Variants in DPYD observed in about 807,000 individuals in gnomAD.
DPYD encodes dihydropyrimidine dehydrogenase.
In DPYD, 109 loss-of-function variants were observed where a neutral mutation model predicts 116.2. The observed-to-expected ratio is 0.94, with a 90% CI of 0.80 to 1.10. DPYD has a LOEUF of 1.10. DPYD is among the 50% of genes least tolerant of loss of function. The probability of loss-of-function intolerance (pLI) is 0.00; values close to 1 mark genes in which losing one functional copy is unlikely to be tolerated. For missense variants in DPYD, 1,302 were observed against 1,254.5 expected, an observed-to-expected ratio of 1.04 and a Z score of -0.57; for synonymous variants, 440 against 432.0, an observed-to-expected ratio of 1.02 and a Z score of -0.23.
intron 1 of DPYD, among the ~76,000 whole-genome samples, chr1:97,903,384 T>C (rs989791727): frequency 4.6e-5 from 7 of 151,902 alleles, no homozygotes; most frequent in Non-Finnish European, 1.0e-4. Context: ...GGATGAAGCA[T>C]GTGAAAATTT....
intron 10 of DPYD, among the ~76,000 whole-genome samples, chr1:97,582,348 A>G (rs552741769): frequency 1.3e-5 from 2 of 152,198 alleles, no homozygotes; most frequent in East Asian, 3.8e-4. Context: ...CTTGAAGTTA[A>G]TAATAAAGTT....
At chr1:97,232,586 TCA>T (rs1392269037) in intron 19 of DPYD, among the ~76,000 whole-genome samples, 1 of 152,068 alleles carries the variant, frequency 6.6e-6, no homozygotes, top group African/African-American at 2.4e-5. Context: ...ATTCTTTTCT[TCA>T]GTCTTTTTTT....
At chr1:97,538,536 T>C (rs757487510) in intron 12 of DPYD, among the ~76,000 whole-genome samples, 2 of 152,060 alleles carry the variant, frequency 1.3e-5, no homozygotes, top group Non-Finnish European at 2.9e-5. Context: ...CAGAAGAAAA[T>C]ACACACAGAA....
At chr1:97,553,568 T>C (rs1233536677) in intron 11 of DPYD, among the ~76,000 whole-genome samples, 1 of 152,046 alleles carries the variant, frequency 6.6e-6, no homozygotes, top group Non-Finnish European at 1.5e-5. Context: ...AAAGCATAAG[T>C]GAATGAAAAA....
chr1:97,626,035 G>T (rs1317454222), intron 8 of DPYD, among the ~76,000 whole-genome samples: 1 of 152,016 alleles, frequency 6.6e-6, no homozygotes, highest in Non-Finnish European at 1.5e-5. Flanking sequence ...AGGAAAGCTT[G>T]TCCTCTTGGA....
intron 8 of DPYD, 73 bp from the exon 9 acceptor site, chr1:97,595,239 G>T: frequency 8.3e-7 from 1 of 1,205,014 alleles, no homozygotes; most frequent in South Asian, 1.3e-5. Flanking sequence ...AAACAAAAAA[G>T]AAAACTTTAA....
chr1:97,399,463 GTTT>G (rs1158459392), intron 14 of DPYD, among the ~76,000 whole-genome samples: 1 of 152,012 alleles, frequency 6.6e-6, no homozygotes, highest in African/African-American at 2.4e-5. Flanking sequence ...CTTTAAAGTA[GTTT>G]TTTTCCAATT....
intron 8 of DPYD, among the ~76,000 whole-genome samples, chr1:97,626,482 A>G (rs1480846954): frequency 3.9e-5 from 6 of 152,032 alleles, no homozygotes; most frequent in African/African-American, 1.2e-4. Flanking sequence ...AAAACATACA[A>G]TGACTTCCCA....
chr1:97,644,770 T>C (rs993478054), intron 8 of DPYD, among the ~76,000 whole-genome samples: 1 of 151,984 alleles, frequency 6.6e-6, no homozygotes, highest in Non-Finnish European at 1.5e-5. Flanking sequence ...TTTTACATGT[T>C]TTTAATGTCA....
chr1:97,774,965 G>A, intron 3 of DPYD: 1 of 342,192 alleles, frequency 2.9e-6, no homozygotes, highest in Non-Finnish European at 6.2e-6. Context: ...CTCACTGCAT[G>A]CCAAACTGGA....
chr1:97,716,735 G>T (rs911631704), intron 5 of DPYD, among the ~76,000 whole-genome samples: 3 of 151,988 alleles, frequency 2.0e-5, no homozygotes, highest in African/African-American at 7.2e-5. Flanking sequence ...ACATTCATTT[G>T]AGAATTCCAC....
At chr1:97,350,441 A>G (rs1282348350) in intron 16 of DPYD, among the ~76,000 whole-genome samples, 8 of 152,120 alleles carry the variant, frequency 5.3e-5, no homozygotes, top group Non-Finnish European at 1.0e-4. Context: ...TGCTCATAAC[A>G]TTTTTATATT....
In DPYD at chr1:97,508,370, G is replaced by A. The variant is rs1647513443; in HGVS notation, c.1740+7356C>T. ...AAGCAAAATGGTCCTAAGACAGGGA[G>A]GAAGTTGCCATGTTGGAGAACTAGA... is the stretch of plus-strand genomic sequence containing the variant. On this transcript the variant is annotated intron_variant, in intron 13 of 22. Coordinates refer to ENST00000370192, the MANE Select transcript of DPYD (RefSeq NM_000110.4). 2.0e-5 allele frequency among the ~76,000 whole-genome samples: 3 copies of A among 152,074 alleles called. No homozygotes were observed. In the East Asian group the frequency reaches 5.8e-4, roughly 30 times the overall value.
chr1:97,525,978 AGTGTGTGTGTGT>A (rs71071658), intron 12 of DPYD, among the ~76,000 whole-genome samples: 22 of 138,226 alleles, frequency 1.6e-4, no homozygotes, highest in South Asian at 4.8e-4. Context: ...GGTAATTAAG[AGTGTGTGTGTGT>A]GTGTGTGTGT....
At chr1:97,351,751 T>C (rs1021079968) in intron 16 of DPYD, among the ~76,000 whole-genome samples, 3 of 151,886 alleles carry the variant, frequency 2.0e-5, no homozygotes, top group African/African-American at 7.3e-5. Flanking sequence ...ATCAAACGTG[T>C]TTCAGGAGAA....
chr1:97,174,886 T>A (rs908311147), intron 20 of DPYD, among the ~76,000 whole-genome samples: 3 of 152,154 alleles, frequency 2.0e-5, no homozygotes, highest in African/African-American at 7.2e-5. Context: ...AGGATAAAAA[T>A]ATTACTGGAG....
In DPYD at chr1:97,134,015, ATATAT is replaced by A. The variant is rs1441326883; in HGVS notation, c.2623-35388_2623-35384del. Among the ~76,000 whole-genome samples the A allele has an allele frequency of 7.7e-3, 147 of 18,976 alleles. 18 individuals are homozygous for A. Among genetic ancestry groups the A allele is most frequent in the South Asian group, 0.029 (7 of 238 alleles). The allele number at this position is 18,976 out of a possible 152,430, so 12.4% of individuals were successfully genotyped here. On this transcript the variant is annotated intron_variant, in intron 20 of 22. Coordinates refer to ENST00000370192, the MANE Select transcript of DPYD (RefSeq NM_000110.4). ...CTCTGTTTCAAAAAAAAAAAAAAAA[ATATAT>A]ATATATATATATATATATATATATA...
intron 2 of DPYD, among the ~76,000 whole-genome samples, chr1:97,879,661 A>C (rs1672087953): frequency 6.6e-6 from 1 of 151,942 alleles, no homozygotes; most frequent in Non-Finnish European, 1.5e-5. Context: ...TAAACTACCA[A>C]GTGAAGATAT....
At chr1:97,808,416 G>C (rs914698693) in intron 3 of DPYD, among the ~76,000 whole-genome samples, 1 of 151,884 alleles carries the variant, frequency 6.6e-6, no homozygotes, top group East Asian at 1.9e-4. Flanking sequence ...ATTGTGCATT[G>C]CTGACATATA....
Sources: gnomAD v4.1 joint callset for allele counts (sites outside exome capture counted in the v4.1 genomes callset) on GRCh38, gnomAD v4.1.1 for gene constraint, MANE v1.5 for transcripts, NCBI Gene and HGNC (gene_info 2026-07-23, HGNC 2026-07-21) for gene names.